BMP7: variants seen among roughly 807,000 people sequenced by gnomAD.
BMP7 encodes the protein bone morphogenetic protein 7.
Under a neutral mutation model 41.2 loss-of-function variants are expected in BMP7, and 12 were observed. The observed-to-expected ratio is 0.29, with a 90% CI of 0.19 to 0.47. BMP7 has a LOEUF of 0.47. BMP7 is among the 20% of genes least tolerant of loss of function. The pLI is 0.99. For synonymous variants in BMP7, 248 were observed against 250.0 expected, an observed-to-expected ratio of 0.99 and a Z score of 0.07; for missense variants, 467 against 606.0, an observed-to-expected ratio of 0.77 and a Z score of 2.41.
rs761442203 is a variant in BMP7, at chr20:57,173,316, G to A, written c.1036-6C>T. On this transcript the variant is annotated splice_region_variant and splice_polypyrimidine_tract_variant and intron_variant, in intron 5 of 6. Transcript: ENST00000395863. ...TCAGGCGCGATGATCCAGTCCTGAG[G>A]AGGAGAAGAGAGTGTGGGAAACCAT... 6.2e-7 allele frequency: 1 copy of A among 1,612,824 alleles called. No homozygotes were observed.
intron 2 of BMP7, among the ~76,000 whole-genome samples, chr20:57,206,270 C>A (rs1026073211): frequency 6.6e-6 from 1 of 152,168 alleles, no homozygotes; most frequent in African/African-American, 2.4e-5. Flanking sequence ...CGTTCTTTCA[C>A]CTTCGCCACT....
chr20:57,192,351 T>A lies in BMP7; in HGVS notation c.761-8432A>T, dbSNP rs1447780783. ...ATATATATTATGTATTTTTTATGTG[T>A]ATATATATATAAAGCACATACTAAC... On this transcript the variant is annotated intron_variant, in intron 3 of 6. Transcript: ENST00000395863. 2.1e-5 allele frequency among the ~76,000 whole-genome samples: 3 copies of A among 144,172 alleles called. No individual in the cohort carries two copies. In the East Asian group the frequency reaches 5.9e-4, roughly 28 times the overall value. 94.6% of individuals were successfully genotyped at this position (144,172 alleles called of 152,430 possible).
chr20:57,207,082 A>G, intron 2 of BMP7, among the ~76,000 whole-genome samples: 1 of 152,212 alleles, frequency 6.6e-6, no homozygotes, highest in East Asian at 1.9e-4. Context: ...TGAAGTCTGG[A>G]CTGACCATGT....
intron 2 of BMP7, 90 bp from the exon 3 acceptor site, chr20:57,202,713 G>T: frequency 1.7e-6 from 2 of 1,208,180 alleles, no homozygotes; most frequent in Non-Finnish European, 2.3e-6. Context: ...CTCATGGGGT[G>T]GGAGGGGAGG....
In BMP7 at chr20:57,235,761, C is replaced by T. The variant is rs148561583; in HGVS notation, c.419-7340G>A. ...ACGACAAGAAAAAAGCAACAAATTC[C>T]TCATTGGGAAAATGCTTGAATGTCA... On this transcript the variant is annotated intron_variant, in intron 1 of 6. Transcript: ENST00000395863. 3.9e-3 allele frequency among the ~76,000 whole-genome samples: 590 copies of T among 152,326 alleles called. 6 individuals are homozygous for T. Among genetic ancestry groups the T allele is most frequent in the African/African-American group, 0.014 (571 of 41,564 alleles).
In BMP7 at chr20:57,171,013, G is replaced by A. The variant is rs578072951; in HGVS notation, c.1242C>T (p.Asn414=). The change falls in exon 7 of 7, where the codon AAC becomes AAT. Residue 414 remains asparagine, a synonymous_variant. Coordinates refer to ENST00000395863, the MANE Select transcript of BMP7 (RefSeq NM_001719.3). The surrounding 1 kb of genome is among the most constrained non-coding windows in gnomAD (Gnocchi z 4.5). The stretch of plus-strand genomic sequence containing the variant: ...TGTTTCTGTATTTCTTCAGGATGAC[G>A]TTGGAGCTGTCATCGAAGTAGAGGA... ...ISVLYFDDSS[N]VILKKYRNMV... is the part of the protein sequence containing the mutation. 1.7e-5 allele frequency: 28 copies of A among 1,614,052 alleles called. No individual in the cohort carries two copies. Among genetic ancestry groups the A allele is most frequent in the Middle Eastern group, 1.6e-4 (1 of 6,084 alleles).
At chr20:57,204,161 C>A (rs747097605) in intron 2 of BMP7, among the ~76,000 whole-genome samples, 1 of 152,196 alleles carries the variant, frequency 6.6e-6, no homozygotes, top group Non-Finnish European at 1.5e-5. Flanking sequence ...CTTTTCAGAG[C>A]CTTTCACCAG....
intron 2 of BMP7, among the ~76,000 whole-genome samples, chr20:57,209,249 T>TTTTA (rs1407204884): frequency 9.5e-5 from 9 of 94,870 alleles, no homozygotes; most frequent in East Asian, 3.5e-4. Flanking sequence ...TTATATATTT[T>TTTTA]TATATATATA....
At chr20:57,173,864 A>G (rs1983865058) in intron 5 of BMP7, among the ~76,000 whole-genome samples, 2 of 151,992 alleles carry the variant, frequency 1.3e-5, no homozygotes, top group Admixed American at 1.3e-4. Context: ...AATAACTCAT[A>G]ATGGCATCAC....
intron 4 of BMP7, among the ~76,000 whole-genome samples, chr20:57,175,465 G>A (rs907622072): frequency 1.3e-5 from 2 of 152,204 alleles, no homozygotes; most frequent in African/African-American, 4.8e-5. Flanking sequence ...GCAAGAGGAT[G>A]CGGGACAGGG....
chr20:57,266,335 C>T lies in BMP7; in HGVS notation c.-213G>A, dbSNP rs553297927. 5 of 312,522 alleles carry T rather than the reference C, an allele frequency of 1.6e-5. No homozygotes were observed. Among genetic ancestry groups the T allele is most frequent in the African/African-American group, 4.4e-5 (2 of 45,356 alleles). 19.4% of individuals were successfully genotyped at this position (312,522 alleles called of 1,614,324 possible). The stretch of plus-strand genomic sequence containing the variant: ...CTGGCCCCGGGCCCCTCGCCCCGCA[C>T]TCGCCCGGGCGCACCGCAGGGCTTG... On this transcript the variant is annotated 5_prime_UTR_variant, in exon 1 of 7. It adds an upstream start codon to the 5' untranslated region. Transcript: ENST00000395863.
chr20:57,237,092 A>G lies in BMP7; in HGVS notation c.419-8671T>C, dbSNP rs145140989. ...GGATGCTTTCCAGGCAAAAACCACA[A>G]GTCCAGCATTAGAATTCCATGTTCC... On this transcript the variant is annotated intron_variant, in intron 1 of 6. Coordinates refer to ENST00000395863, the MANE Select transcript of BMP7 (RefSeq NM_001719.3). Among the ~76,000 whole-genome samples, 748 of 152,336 alleles carry G rather than the reference A, an allele frequency of 4.9e-3. 4 individuals are homozygous for G. The highest frequency in any genetic ancestry group is 0.024 in the East Asian group (127 of 5,184).
chr20:57,180,987 C>T (rs987133499), intron 4 of BMP7, among the ~76,000 whole-genome samples: 8 of 152,226 alleles, frequency 5.3e-5, no homozygotes, highest in African/African-American at 1.7e-4. Flanking sequence ...GCTATCCCCT[C>T]GCCAGGACCT....
At chr20:57,226,426 T>C (rs2066006387) in intron 2 of BMP7, among the ~76,000 whole-genome samples, 1 of 152,242 alleles carries the variant, frequency 6.6e-6, no homozygotes. Flanking sequence ...TCTAGAACTT[T>C]ATCTGACTGA....
intron 3 of BMP7, among the ~76,000 whole-genome samples, chr20:57,193,480 C>T (rs575101091): frequency 4.6e-5 from 7 of 152,294 alleles, no homozygotes; most frequent in Admixed American, 2.6e-4. Flanking sequence ...CTCCGACCGC[C>T]GGCCTCTGGC....
At chr20:57,182,270 C>T (rs1984101771) in intron 4 of BMP7, among the ~76,000 whole-genome samples, 2 of 152,156 alleles carry the variant, frequency 1.3e-5, no homozygotes, top group African/African-American at 4.8e-5. Flanking sequence ...CACAGATGCC[C>T]ACAGTGCCAG....
At position 57,241,421 on chromosome 20, in the gene BMP7, G is replaced by A. The variant is rs146675030; in HGVS notation, c.419-13000C>T. On this transcript the variant is annotated intron_variant, in intron 1 of 6. Transcript: ENST00000395863. ...AGGCTGACAGCCTGAAGGTTTTGTAGCATTCACCCATCTCCTCATTACCCC... is the reference window on the plus strand; with the variant it reads ...AGGCTGACAGCCTGAAGGTTTTGTAACATTCACCCATCTCCTCATTACCCC... Among the ~76,000 whole-genome samples, 464 of 152,316 alleles carry A rather than the reference G, an allele frequency of 3.0e-3. 1 individual carries two copies. The highest frequency in any genetic ancestry group is 5.0e-3 in the Non-Finnish European group (337 of 68,022).
chr20:57,201,626 T>C (rs1984622901), intron 3 of BMP7, among the ~76,000 whole-genome samples: 1 of 152,240 alleles, frequency 6.6e-6, no homozygotes, highest in Non-Finnish European at 1.5e-5. Context: ...AGGCAAACAT[T>C]GTGAAGGTGT....
chr20:57,212,170 C>G (rs1175803273), intron 2 of BMP7, among the ~76,000 whole-genome samples: 1 of 152,172 alleles, frequency 6.6e-6, no homozygotes, highest in Non-Finnish European at 1.5e-5. Context: ...AAGAAAAGGA[C>G]TAGATGTGAG....
Sources: allele counts gnomAD v4.1 joint callset (sites outside exome capture counted in the v4.1 genomes callset), GRCh38; gene constraint gnomAD v4.1.1; non-coding constraint Gnocchi (gnomAD v3.1); transcripts MANE v1.5; gene names NCBI Gene and HGNC (gene_info 2026-07-23, HGNC 2026-07-21).